The following SLAIN2 variants were observed in gnomAD, a reference collection of about 807,000 sequenced individuals.
SLAIN2 encodes SLAIN family member 2, also known as SLAIN motif-containing protein 2.
In SLAIN2, 31 loss-of-function variants were observed where a neutral mutation model predicts 56.6. That is an observed-to-expected ratio of 0.55 (90% CI 0.41 to 0.74). SLAIN2 has a LOEUF of 0.74. SLAIN2 is among the 30% of genes least tolerant of loss of function. The pLI is 0.00. For missense variants in SLAIN2, 777 were observed against 754.2 expected, an observed-to-expected ratio of 1.03 and a Z score of -0.35; for synonymous variants, 317 against 284.9, an observed-to-expected ratio of 1.11 and a Z score of -1.13.
intron 2 of SLAIN2, among the ~76,000 whole-genome samples, chr4:48,370,608 A>C (rs1041110890): frequency 1.3e-5 from 2 of 152,228 alleles, no homozygotes; most frequent in Admixed American, 1.3e-4. Flanking sequence ...AATTGCTTTT[A>C]TGCTCTTTTG....
chr4:48,347,335 C>T (rs369104996), intron 1 of SLAIN2, among the ~76,000 whole-genome samples: 2 of 150,692 alleles, frequency 1.3e-5, no homozygotes, highest in East Asian at 3.9e-4. Context: ...CCCTCCCCCA[C>T]CCCTGGCTCA....
intron 2 of SLAIN2, among the ~76,000 whole-genome samples, chr4:48,374,801 GA>G (rs1715760796): frequency 6.6e-6 from 1 of 152,140 alleles, no homozygotes; most frequent in Admixed American, 6.6e-5. Context: ...CAAATATGAG[GA>G]AATGGTGGAC....
At chr4:48,400,060 T>G (rs1235935272) in intron 6 of SLAIN2, among the ~76,000 whole-genome samples, 1 of 152,232 alleles carries the variant, frequency 6.6e-6, no homozygotes, top group African/African-American at 2.4e-5. Context: ...TTGTTTGGAA[T>G]AGTTTCAGTA....
intron 1 of SLAIN2, among the ~76,000 whole-genome samples, chr4:48,359,955 A>T (rs940714950): frequency 8.5e-5 from 13 of 152,084 alleles, no homozygotes; most frequent in Non-Finnish European, 1.8e-4. Flanking sequence ...GGAGTTCGAG[A>T]CCAGCCTGAC....
At chr4:48,412,451 TGGCACCCAAAG>T (rs1313140583) in intron 6 of SLAIN2, among the ~76,000 whole-genome samples, 1 of 151,250 alleles carries the variant, frequency 6.6e-6, no homozygotes, top group Non-Finnish European at 1.5e-5. Flanking sequence ...GTCTCAGCTT[TGGCACCCAAAG>T]GGTGGCTAAG....
intron 2 of SLAIN2, 136 bp downstream of exon 2, chr4:48,370,133 G>GT: frequency 1.2e-6 from 1 of 850,020 alleles, no homozygotes; most frequent in Admixed American, 3.1e-5. Flanking sequence ...CATCATGAGA[G>GT]TTTTTCCCAT....
chr4:48,376,708 G>A (rs539735359), intron 2 of SLAIN2, among the ~76,000 whole-genome samples: 92 of 128,362 alleles, frequency 7.2e-4, no homozygotes, highest in Non-Finnish European at 1.1e-3. Flanking sequence ...TGCAAGCCCC[G>A]CCTCCCGGGT....
chr4:48,403,826 T>G (rs1716620388), intron 6 of SLAIN2, among the ~76,000 whole-genome samples: 2 of 152,192 alleles, frequency 1.3e-5, no homozygotes, highest in Non-Finnish European at 2.9e-5. Flanking sequence ...TCTCCGTGAG[T>G]GCCTGAGTGG....
At chr4:48,348,221 T>C (rs1301393155) in intron 1 of SLAIN2, among the ~76,000 whole-genome samples, 1 of 152,146 alleles carries the variant, frequency 6.6e-6, no homozygotes, top group African/African-American at 2.4e-5. Context: ...AATTTTTTAA[T>C]AGAGCTGTTT....
intron 1 of SLAIN2, among the ~76,000 whole-genome samples, chr4:48,342,409 C>T (rs1308842942): frequency 6.6e-6 from 1 of 152,190 alleles, no homozygotes; most frequent in South Asian, 2.1e-4. Context: ...TTGAGAAGGG[C>T]TGTTCGCCTG....
chr4:48,359,610 A>G (rs749689622), intron 1 of SLAIN2, among the ~76,000 whole-genome samples: 5 of 152,198 alleles, frequency 3.3e-5, no homozygotes, highest in Non-Finnish European at 7.3e-5. Context: ...CAAATTGTAA[A>G]TAATTTTGGA....
At chr4:48,359,646 GTTA>G (rs1715263153) in intron 1 of SLAIN2, among the ~76,000 whole-genome samples, 1 of 152,202 alleles carries the variant, frequency 6.6e-6, no homozygotes, top group Admixed American at 6.5e-5. Context: ...AGAAAGGGAG[GTTA>G]TTATCATTTC....
intron 6 of SLAIN2, among the ~76,000 whole-genome samples, chr4:48,389,933 CAG>C (rs1199374996): frequency 1.3e-5 from 2 of 152,056 alleles, no homozygotes; most frequent in Admixed American, 6.6e-5. Context: ...ACTCTGATAT[CAG>C]TGTGGAGAAA....
rs1405242741 is a variant in SLAIN2 at position 48,367,495 on chromosome 4, G to C, written c.390-2354G>C. Among the ~76,000 whole-genome samples, 5 of 152,142 alleles carry C rather than the reference G, an allele frequency of 3.3e-5. No individual in the cohort carries two copies. In the East Asian group the frequency reaches 9.6e-4, roughly 29 times the overall value. On this transcript the variant is annotated intron_variant, in intron 1 of 7. Coordinates refer to ENST00000264313, the MANE Select transcript of SLAIN2 (RefSeq NM_020846.2). ...GAGAAAAAAATAGTTTATAAAGGTAGGCTCAGCAAGTCTTGGTGACAGATT... is the reference window on the plus strand; with the variant it reads ...GAGAAAAAAATAGTTTATAAAGGTACGCTCAGCAAGTCTTGGTGACAGATT...
chr4:48,412,326 A>G (rs2109785249), intron 6 of SLAIN2, among the ~76,000 whole-genome samples: 1 of 140,984 alleles, frequency 7.1e-6, no homozygotes. Context: ...GAGATATCTA[A>G]TGAATCTTAA....
At chr4:48,387,904 A>G (rs79143621) in intron 6 of SLAIN2, among the ~76,000 whole-genome samples, 208 of 152,190 alleles carry the variant, frequency 1.4e-3, no homozygotes, top group African/African-American at 4.9e-3. Flanking sequence ...TTTATACATG[A>G]ATTGGTATTT....
chr4:48,347,221 C>T (rs947125480), intron 1 of SLAIN2, among the ~76,000 whole-genome samples: 12 of 150,334 alleles, frequency 8.0e-5, no homozygotes, highest in African/African-American at 2.0e-4. Context: ...GACAGCAGTC[C>T]GCAACCTTTT....
At chr4:48,352,733 G>A (rs1458929680) in intron 1 of SLAIN2, among the ~76,000 whole-genome samples, 1 of 152,208 alleles carries the variant, frequency 6.6e-6, no homozygotes, top group Non-Finnish European at 1.5e-5. Context: ...CTGTATTGCA[G>A]TAATAAGTTT....
intron 2 of SLAIN2, among the ~76,000 whole-genome samples, chr4:48,371,319 C>T (rs1464319531): frequency 4.6e-5 from 7 of 152,004 alleles, no homozygotes; most frequent in Middle Eastern, 3.4e-3. Context: ...GTGATCTGCC[C>T]GCCTCAGCCT....
Sources: allele counts gnomAD v4.1 joint callset (sites outside exome capture counted in the v4.1 genomes callset), GRCh38; gene constraint gnomAD v4.1.1; transcripts MANE v1.5; gene names NCBI Gene and HGNC (gene_info 2026-07-23, HGNC 2026-07-21).